The following DIP2B variants were observed in gnomAD, a reference collection of about 807,000 sequenced individuals.
The protein encoded by DIP2B is disco-interacting protein 2 homolog B.
Under a neutral mutation model 198.0 loss-of-function variants are expected in DIP2B, and 76 were observed. The ratio of observed to expected loss-of-function variants is 0.38; its 90% CI spans 0.32 to 0.46. The LOEUF is 0.46. Ranked by LOEUF, DIP2B falls within the 20% of genes least tolerant of loss-of-function variation. DIP2B has a pLI of 0.99. For missense variants in DIP2B, 1,559 were observed against 1,978.4 expected (o/e 0.79, Z 4.02); for synonymous variants, 701 against 739.1 (o/e 0.95, Z 0.84).
intron 1 of DIP2B, among the ~76,000 whole-genome samples, chr12:50,599,751 G>A (rs913375267): frequency 6.6e-6 from 1 of 152,242 alleles, no homozygotes; most frequent in African/African-American, 2.4e-5. Context: ...TTGACAGGGT[G>A]TAATCATAGC....
chr12:50,572,756 G>A (rs1958626398), intron 1 of DIP2B, among the ~76,000 whole-genome samples: 1 of 152,156 alleles, frequency 6.6e-6, no homozygotes, highest in Non-Finnish European at 1.5e-5. Flanking sequence ...TCTCCTTTGT[G>A]CTGACAGAAT....
intron 1 of DIP2B, among the ~76,000 whole-genome samples, chr12:50,589,751 C>A (rs777546202): frequency 5.3e-5 from 8 of 151,750 alleles, no homozygotes; most frequent in Non-Finnish European, 1.2e-4. Flanking sequence ...CTCTTGGGGG[C>A]CAGAGGGTGT....
intron 3 of DIP2B, among the ~76,000 whole-genome samples, chr12:50,652,773 GTCT>G (rs1037202985): frequency 9.9e-5 from 15 of 152,162 alleles, no homozygotes; most frequent in African/African-American, 3.6e-4. Context: ...TCTTTCCTAT[GTCT>G]TCTTTAATTT....
intron 23 of DIP2B, among the ~76,000 whole-genome samples, chr12:50,718,166 G>T (rs1393408388): frequency 6.6e-6 from 1 of 152,112 alleles, no homozygotes; most frequent in East Asian, 1.9e-4. Flanking sequence ...CCAAAGTGCT[G>T]GGATTACAGG....
intron 1 of DIP2B, among the ~76,000 whole-genome samples, chr12:50,543,956 A>G (rs1958351958): frequency 7.0e-6 from 1 of 143,152 alleles, no homozygotes; most frequent in East Asian, 2.1e-4. Flanking sequence ...GAGGCTGGGC[A>G]TGGTGGCTCA....
intron 1 of DIP2B, among the ~76,000 whole-genome samples, chr12:50,576,900 G>A (rs558797411): frequency 2.6e-5 from 4 of 151,634 alleles, no homozygotes; most frequent in African/African-American, 9.7e-5. Flanking sequence ...TTTCGGTCTC[G>A]TTGCCCAGGC....
intron 1 of DIP2B, among the ~76,000 whole-genome samples, chr12:50,508,754 G>A (rs961471288): frequency 6.7e-6 from 1 of 150,328 alleles, no homozygotes; most frequent in Non-Finnish European, 1.5e-5. Flanking sequence ...TGCCCAGGCT[G>A]GAGTGAAATG....
intron 1 of DIP2B, among the ~76,000 whole-genome samples, chr12:50,588,719 C>A (rs1958792021): frequency 6.6e-6 from 1 of 152,162 alleles, no homozygotes; most frequent in Non-Finnish European, 1.5e-5. Flanking sequence ...ACAGCCCCTA[C>A]TGCCTAGCTG....
At chr12:50,652,318 A>G (rs115714043) in intron 3 of DIP2B, among the ~76,000 whole-genome samples, 2,016 of 132,246 alleles carry the variant, frequency 0.015, 42 homozygotes, top group African/African-American at 0.053. Context: ...GCAAAAATAT[A>G]TATATTATAT....
At chr12:50,681,492 G>T (rs781174526) in intron 9 of DIP2B, among the ~76,000 whole-genome samples, 1 of 152,036 alleles carries the variant, frequency 6.6e-6, no homozygotes, top group Non-Finnish European at 1.5e-5. Context: ...GTGGTCTTAT[G>T]TAAAAAGAGA....
intron 1 of DIP2B, among the ~76,000 whole-genome samples, chr12:50,541,430 T>G (rs1231820815): frequency 1.3e-5 from 2 of 148,358 alleles, no homozygotes; most frequent in Non-Finnish European, 3.0e-5. Context: ...TTTAAATCCA[T>G]AGTCACCATC....
intron 4 of DIP2B, among the ~76,000 whole-genome samples, chr12:50,666,031 G>A (rs1034849361): frequency 1.8e-4 from 27 of 152,098 alleles, no homozygotes; most frequent in African/African-American, 5.8e-4. Context: ...CATAATAAAT[G>A]TGCTCTAATT....
chr12:50,726,076 T>C (rs1939927745), intron 28 of DIP2B, among the ~76,000 whole-genome samples: 1 of 152,214 alleles, frequency 6.6e-6, no homozygotes, highest in Admixed American at 6.5e-5. Context: ...CTTTAGGCAC[T>C]TGAGTGGTCA....
intron 34 of DIP2B, among the ~76,000 whole-genome samples, chr12:50,736,283 T>C (rs991821930): frequency 1.3e-5 from 2 of 152,178 alleles, no homozygotes; most frequent in African/African-American, 4.8e-5. Flanking sequence ...CTCACGAGCA[T>C]TAGCCTGTGC....
At chr12:50,526,618 T>C (rs1456697498) in intron 1 of DIP2B, among the ~76,000 whole-genome samples, 2 of 142,256 alleles carry the variant, frequency 1.4e-5, no homozygotes, top group East Asian at 4.3e-4. Flanking sequence ...ATTCTCTTTT[T>C]CCTCTGCCTT....
At chr12:50,735,044 T>G (rs760277729) in intron 33 of DIP2B, 29 bp from the exon 34 acceptor site, 1 of 1,613,968 alleles carries the variant, frequency 6.2e-7, no homozygotes, top group South Asian at 1.1e-5. Context: ...TTAAAAGCCC[T>G]ATATATAGTA....
intron 1 of DIP2B, among the ~76,000 whole-genome samples, chr12:50,578,930 T>C (rs1363872943): frequency 1.3e-5 from 2 of 152,228 alleles, no homozygotes; most frequent in Non-Finnish European, 2.9e-5. Context: ...TTTTAAATTA[T>C]TTATACTAAT....
At chr12:50,676,139 T>C (rs1473872838) in intron 7 of DIP2B, among the ~76,000 whole-genome samples, 1 of 152,152 alleles carries the variant, frequency 6.6e-6, no homozygotes, top group Non-Finnish European at 1.5e-5. Context: ...ATATCTAGGA[T>C]TTAATAGGGA....
rs904763327 is a variant in DIP2B at position 50,505,062 on chromosome 12, G to A, written c.-79G>A. 65 of 1,392,156 alleles carry A rather than the reference G, an allele frequency of 4.7e-5. No individual in the cohort carries two copies. In the African/African-American group the frequency reaches 8.6e-4, roughly 18 times the overall value. 86.2% of individuals were successfully genotyped at this position (1,392,156 alleles called of 1,614,324 possible). On this transcript the variant is annotated 5_prime_UTR_variant, in exon 1 of 38. An upstream open reading frame in the 5' UTR loses its in-frame stop. Coordinates refer to ENST00000301180, the MANE Select transcript of DIP2B (RefSeq NM_173602.3). ...TCGGCGGCCGGAGCCGGATCCTGTA[G>A]CCGGGTGTGGGCCCGTGTCTGTCCG...
Sources: gnomAD v4.1 joint callset for allele counts (sites outside exome capture counted in the v4.1 genomes callset) on GRCh38, gnomAD v4.1.1 for gene constraint, MANE v1.5 for transcripts, NCBI Gene and HGNC (gene_info 2026-07-23, HGNC 2026-07-21) for gene names.